The following NSUN6 variants were observed in gnomAD, a reference collection of about 807,000 sequenced individuals.
NSUN6 encodes the protein NOP2/Sun RNA methyltransferase 6.
NSUN6 carries 64 observed loss-of-function variants against 58.0 expected under a neutral mutation model. That is an observed-to-expected ratio of 1.10 (90% confidence interval 0.90 to 1.36). The LOEUF (loss-of-function observed/expected upper bound fraction) is 1.36. NSUN6 is among the 40% of genes most tolerant of loss of function. NSUN6 has a pLI of 0.00. For missense variants in NSUN6, 701 were observed against 550.1 expected, an observed-to-expected ratio of 1.27 and a Z score of -2.74; for synonymous variants, 231 against 193.9, an observed-to-expected ratio of 1.19 and a Z score of -1.59.
chr10:18,547,865 A>G (rs1006115315), intron 10 of NSUN6, among the ~76,000 whole-genome samples: 6 of 152,340 alleles, frequency 3.9e-5, no homozygotes, highest in Non-Finnish European at 5.9e-5. Flanking sequence ...GAATAAACAC[A>G]TAACAAAAAC....
rs534334719 is a variant in NSUN6 at position 18,564,346 on chromosome 10, C to A, written c.923-12375G>T. Among the ~76,000 whole-genome samples the A allele has an allele frequency of 1.1e-4, 17 of 151,354 alleles. No homozygotes were observed. The South Asian group carries it at 3.6e-3, about 32-fold the overall frequency. On this transcript the variant is annotated intron_variant, in intron 8 of 10. Transcript: ENST00000377304. ...ATTCCTTTCCATTCTCCATTGCATTCCATTCTCCATCTGTTACATTCTCCA... is the reference window on the plus strand; with the variant it reads ...ATTCCTTTCCATTCTCCATTGCATTACATTCTCCATCTGTTACATTCTCCA...
chr10:18,653,592 G>C (rs913984899), upstream of NSUN6: 2 of 152,242 alleles, frequency 1.3e-5, no homozygotes, highest in African/African-American at 2.4e-5. Flanking sequence ...GGCTGGTCTC[G>C]AACTCCTCAG....
At chr10:18,634,659 G>A (rs2059152337) in intron 3 of NSUN6, among the ~76,000 whole-genome samples, 1 of 152,060 alleles carries the variant, frequency 6.6e-6, no homozygotes, top group African/African-American at 2.4e-5. Context: ...CTACTAGGAA[G>A]GCTGAGGCAG....
chr10:18,551,961 T>C lies in NSUN6; in HGVS notation c.933A>G (p.Pro311=), dbSNP rs1174397531. The change falls in exon 9 of 11, where the codon CCA becomes CCG. Residue 311 remains proline, a synonymous_variant. Coordinates refer to ENST00000377304, the MANE Select transcript of NSUN6 (RefSeq NM_182543.5). ...DMVEDTEGEP[P]FLPESFDRIL... ...TTCGGTCAAAGGATTCTGGTAGAAATGGAGGTTCTCCTATAAAGAGAATTA... is the reference window on the plus strand; with the variant it reads ...TTCGGTCAAAGGATTCTGGTAGAAACGGAGGTTCTCCTATAAAGAGAATTA... The C allele has an allele frequency of 1.2e-6, 2 of 1,602,234 alleles. No homozygotes were observed. The highest frequency in any genetic ancestry group is 1.1e-5 in the South Asian group (1 of 90,078).
Position 18,651,168 on chromosome 10 carries a change from C to T in NSUN6, c.36G>A (p.Glu12=). The T allele has an allele frequency of 2.5e-6, 4 of 1,580,646 alleles. No homozygotes were observed. The highest frequency in any genetic ancestry group is 2.6e-6 in the Non-Finnish European group (3 of 1,169,536). ...SIFPKISLRP[E]VENYLKEGFM... ...AGCCTTCCTTAAGATAGTTTTCAACCTCAGGTCTCAAAGATATCTTAGGGA... is the reference window on the plus strand; with the variant it reads ...AGCCTTCCTTAAGATAGTTTTCAACTTCAGGTCTCAAAGATATCTTAGGGA... Residue 12 remains glutamate, a synonymous_variant, in exon 1 of 11, where the codon GAG becomes GAA. Transcript: ENST00000377304.
In NSUN6 at chr10:18,648,579, G is replaced by A. The variant is rs2059615913; in HGVS notation, c.142C>T (p.His48Tyr). ...KFETLLKHLS[H>Y]PPSFTTVRVN... The stretch of plus-strand genomic sequence containing the variant: ...CTGACAGTTGTAAATGATGGAGGAT[G>A]TGACAGGTGCTTTAACAAAGTTTCA... The change falls in exon 2 of 11, where the codon CAT becomes TAT. Residue 48 changes from histidine (H) to tyrosine (Y), a missense_variant. Transcript: ENST00000377304. 25 of 1,604,290 alleles carry A rather than the reference G, an allele frequency of 1.6e-5. No individual in the cohort carries two copies. The highest frequency in any genetic ancestry group is 2.0e-5 in the Non-Finnish European group (24 of 1,171,218).
intron 3 of NSUN6, among the ~76,000 whole-genome samples, chr10:18,632,741 A>G (rs1429617597): frequency 6.6e-6 from 1 of 152,208 alleles, no homozygotes; most frequent in East Asian, 1.9e-4. Flanking sequence ...GCAATCATTA[A>G]AAAGTCAGGA....
At chr10:18,578,329 G>A (rs527839075) in intron 8 of NSUN6, among the ~76,000 whole-genome samples, 1 of 150,622 alleles carries the variant, frequency 6.6e-6, no homozygotes, top group Non-Finnish European at 1.5e-5. Context: ...CGCCTCCTGG[G>A]TTCAAGCGAT....
At chr10:18,644,669 T>G (rs975753298) in intron 2 of NSUN6, among the ~76,000 whole-genome samples, 24 of 151,130 alleles carry the variant, frequency 1.6e-4, no homozygotes, top group Admixed American at 7.3e-4. Flanking sequence ...ACCCTGTGTC[T>G]ACTAAAAATA....
chr10:18,584,997 TAA>T (rs35061759), intron 8 of NSUN6, among the ~76,000 whole-genome samples: 123 of 143,458 alleles, frequency 8.6e-4, no homozygotes, highest in South Asian at 1.3e-3. Context: ...AGAGACCTAT[TAA>T]AAAAAAAAAA....
At chr10:18,653,374 A>G (rs2059741945), upstream of NSUN6, 9 of 972,328 alleles carry the variant, frequency 9.3e-6, no homozygotes, top group South Asian at 3.8e-4. Flanking sequence ...GGACATTTAG[A>G]CTTTTTTGTT....
chr10:18,589,124 C>T (rs184948053), intron 7 of NSUN6, among the ~76,000 whole-genome samples: 230 of 152,218 alleles, frequency 1.5e-3, no homozygotes, highest in African/African-American at 5.2e-3. Flanking sequence ...TTGAAGCATA[C>T]ACAAGTATCA....
At chr10:18,632,927 A>C (rs2059086000) in intron 3 of NSUN6, among the ~76,000 whole-genome samples, 1 of 152,154 alleles carries the variant, frequency 6.6e-6, no homozygotes, top group African/African-American at 2.4e-5. Context: ...AAGGACTATA[A>C]ATCATGCTGC....
chr10:18,564,875 C>A (rs1406305463), intron 8 of NSUN6, among the ~76,000 whole-genome samples: 1 of 150,184 alleles, frequency 6.7e-6, no homozygotes, highest in African/African-American at 2.5e-5. Context: ...CCATTCCAGT[C>A]TCCATTCCAT....
At chr10:18,585,256 G>A (rs930417841) in intron 8 of NSUN6, among the ~76,000 whole-genome samples, 3 of 152,138 alleles carry the variant, frequency 2.0e-5, no homozygotes, top group Non-Finnish European at 4.4e-5. Flanking sequence ...AAAATGGTAT[G>A]GAGGTTCTTC....
chr10:18,604,863 G>C (rs1564790279), intron 6 of NSUN6, among the ~76,000 whole-genome samples: 2 of 151,380 alleles, frequency 1.3e-5, no homozygotes, highest in African/African-American at 4.8e-5. Flanking sequence ...TCCAGCCTGG[G>C]TGACAGAGCA....
chr10:18,562,649 A>C (rs905829555), intron 8 of NSUN6, among the ~76,000 whole-genome samples: 7 of 143,542 alleles, frequency 4.9e-5, no homozygotes, highest in African/African-American at 2.0e-4. Flanking sequence ...TGGAATGGAG[A>C]ATGGAAGGGA....
intron 3 of NSUN6, among the ~76,000 whole-genome samples, chr10:18,624,647 C>CAAAAAAAAAAAAAAA (rs10671283): frequency 1.3e-5 from 1 of 77,072 alleles, no homozygotes; most frequent in Non-Finnish European, 2.3e-5. Context: ...GACTCTGTCT[C>CAAAAAAAAAAAAAAA]AAAAAAAAAA....
intron 6 of NSUN6, among the ~76,000 whole-genome samples, chr10:18,604,584 T>C (rs1014702768): frequency 6.6e-6 from 1 of 152,012 alleles, no homozygotes; most frequent in African/African-American, 2.4e-5. Flanking sequence ...ATTATATTTG[T>C]ACGTTAAAGT....
Sources: allele counts gnomAD v4.1 joint callset (sites outside exome capture counted in the v4.1 genomes callset), GRCh38; gene constraint gnomAD v4.1.1; transcripts MANE v1.5; gene names NCBI Gene and HGNC (gene_info 2026-07-23, HGNC 2026-07-21).